The following CREM variants were observed in gnomAD, a reference collection of about 807,000 sequenced individuals.
The protein encoded by CREM is cAMP responsive element modulator.
CREM carries 13 observed loss-of-function variants against 37.3 expected under a neutral mutation model. The observed-to-expected ratio is 0.35, with a 90% confidence interval of 0.23 to 0.55. CREM has a LOEUF of 0.55. Among genes scored for constraint, CREM ranks in the 20% least tolerant of loss-of-function variants. The pLI, the probability that CREM is intolerant of heterozygous loss-of-function variation, is 0.88. For missense variants in CREM, 296 were observed against 362.3 expected (o/e 0.82, Z 1.49); for synonymous variants, 124 against 120.2 (o/e 1.03, Z -0.21).
intron 3 of CREM, chr10:35,167,903 G>C: frequency 8.9e-7 from 1 of 1,117,328 alleles, no homozygotes; most frequent in South Asian, 1.4e-5. Context: ...TTATGTTTTA[G>C]TTTTTTGTTC....
chr10:35,128,588 C>A (rs903867629), intron 1 of CREM, among the ~76,000 whole-genome samples: 2 of 149,506 alleles, frequency 1.3e-5, no homozygotes, highest in East Asian at 2.0e-4. Flanking sequence ...TGCAGTGGTC[C>A]GCTCTCAGCT....
intron 1 of CREM, among the ~76,000 whole-genome samples, chr10:35,137,516 A>T (rs879400597): frequency 5.3e-5 from 8 of 152,182 alleles, no homozygotes; most frequent in Admixed American, 4.6e-4. Context: ...TTATCATTTA[A>T]GTTTTGTCAA....
intron 3 of CREM, among the ~76,000 whole-genome samples, chr10:35,160,343 T>G (rs1488234612): frequency 1.3e-5 from 2 of 152,160 alleles, no homozygotes; most frequent in Admixed American, 6.5e-5. Context: ...GTCCTGGGTG[T>G]GCCAGCGAGT....
At chr10:35,160,574 A>G (rs1353867859) in intron 3 of CREM, among the ~76,000 whole-genome samples, 1 of 151,994 alleles carries the variant, frequency 6.6e-6, no homozygotes, top group African/African-American at 2.4e-5. Context: ...AACTTATTTT[A>G]TTTTTTTGCT....
At chr10:35,166,715 C>CTG (rs2093573501) in intron 3 of CREM, among the ~76,000 whole-genome samples, 1 of 152,094 alleles carries the variant, frequency 6.6e-6, no homozygotes, top group African/African-American at 2.4e-5. Flanking sequence ...AGCAACAGAG[C>CTG]TGAACTCTGT....
At chr10:35,129,544 T>C (rs1564774220) in intron 1 of CREM, among the ~76,000 whole-genome samples, 1 of 152,244 alleles carries the variant, frequency 6.6e-6, no homozygotes, top group Non-Finnish European at 1.5e-5. Flanking sequence ...TTGTATTCCC[T>C]GCAAATTAAG....
chr10:35,133,330 CAG>C (rs1379824136), intron 1 of CREM, among the ~76,000 whole-genome samples: 8 of 144,604 alleles, frequency 5.5e-5, no homozygotes, highest in South Asian at 2.2e-4. Flanking sequence ...TTTTTTGAGA[CAG>C]AGTCTCACTG....
chr10:35,191,221 C>A (rs2094906237), intron 6 of CREM, among the ~76,000 whole-genome samples: 2 of 151,712 alleles, frequency 1.3e-5, no homozygotes, highest in Admixed American at 1.3e-4. Context: ...TACAATGGTA[C>A]CTTATTTTGT....
intron 3 of CREM, among the ~76,000 whole-genome samples, chr10:35,166,679 A>G (rs980888805): frequency 2.6e-5 from 4 of 152,076 alleles, no homozygotes; most frequent in African/African-American, 9.7e-5. Flanking sequence ...CAGTGAGCCA[A>G]CATTGTGCCA....
At chr10:35,140,825 A>T (rs938428062) in intron 2 of CREM, among the ~76,000 whole-genome samples, 4 of 152,230 alleles carry the variant, frequency 2.6e-5, no homozygotes, top group Non-Finnish European at 5.9e-5. Context: ...GGGAGATTAG[A>T]TGTAAAAGAT....
intron 3 of CREM, among the ~76,000 whole-genome samples, chr10:35,164,932 T>TCCCAGCTA (rs2093465777): frequency 1.3e-5 from 2 of 151,810 alleles, no homozygotes; most frequent in South Asian, 2.1e-4. Context: ...GCGCCTGTAA[T>TCCCAGCTA]CCCAGCTACG....
At chr10:35,193,041 C>T (rs1281267159) in intron 6 of CREM, among the ~76,000 whole-genome samples, 5 of 151,400 alleles carry the variant, frequency 3.3e-5, no homozygotes, top group Non-Finnish European at 7.4e-5. Flanking sequence ...GAATACGTTC[C>T]CCGAGGAAGC....
At position 35,132,206 on chromosome 10, in the gene CREM, A is replaced by G. The variant is rs1312125424; in HGVS notation, c.-55+5013A>G. 1.7e-4 allele frequency among the ~76,000 whole-genome samples: 25 copies of G among 151,050 alleles called. 1 individual carries two copies. Among genetic ancestry groups the G allele is most frequent in the Middle Eastern group, 3.4e-3 (1 of 294 alleles). Reference sequence around the variant, plus strand: ...ATAGAGCGAGACTTGAGTCTCAAAAAAAAAAAAAAAAGAAAAAAAAATTGG... The same window carrying G: ...ATAGAGCGAGACTTGAGTCTCAAAAGAAAAAAAAAAAGAAAAAAAAATTGG... On this transcript the variant is annotated intron_variant, in intron 1 of 7. Transcript: ENST00000685392.
intron 6 of CREM, among the ~76,000 whole-genome samples, chr10:35,203,206 T>C (rs1262785847): frequency 6.6e-6 from 1 of 151,954 alleles, no homozygotes; most frequent in Non-Finnish European, 1.5e-5. Context: ...CCACCACACC[T>C]GGTTAATTTT....
chr10:35,207,863 T>C (rs571580200), intron 7 of CREM, among the ~76,000 whole-genome samples: 1 of 152,228 alleles, frequency 6.6e-6, no homozygotes, highest in Non-Finnish European at 1.5e-5. Flanking sequence ...TGTGTGTTAT[T>C]AGATTGTCTT....
intron 7 of CREM, 62 bp downstream of exon 7, chr10:35,207,113 C>T: frequency 6.5e-7 from 1 of 1,549,992 alleles, no homozygotes. Flanking sequence ...ACAGTTTTCA[C>T]CGGGCGCAGT....
At chr10:35,175,260 ATG>A (rs2093998412) in intron 3 of CREM, among the ~76,000 whole-genome samples, 2 of 130,842 alleles carry the variant, frequency 1.5e-5, no homozygotes, top group Admixed American at 7.0e-5. Flanking sequence ...ATCCTGGCTA[ATG>A]GGTGAAACCC....
At chr10:35,190,825 C>CT in intron 6 of CREM, among the ~76,000 whole-genome samples, 1 of 152,132 alleles carries the variant, frequency 6.6e-6, no homozygotes, top group Middle Eastern at 3.4e-3. Flanking sequence ...CCATGTCCGA[C>CT]TAATTTTTTT....
chr10:35,132,476 G>A (rs545629103), intron 1 of CREM, among the ~76,000 whole-genome samples: 39 of 152,294 alleles, frequency 2.6e-4, no homozygotes, highest in African/African-American at 8.7e-4. Flanking sequence ...AGGTGTCTCA[G>A]GCAATTAAAT....
Sources: gnomAD v4.1 joint callset for allele counts (sites outside exome capture counted in the v4.1 genomes callset) on GRCh38, gnomAD v4.1.1 for gene constraint, MANE v1.5 for transcripts, NCBI Gene and HGNC (gene_info 2026-07-23, HGNC 2026-07-21) for gene names.